The following SNX14 variants were observed in gnomAD, a reference collection of about 807,000 sequenced individuals.
The protein encoded by SNX14 is sorting nexin-14.
In SNX14, 93 loss-of-function variants were observed where a neutral mutation model predicts 133.8. The observed-to-expected ratio is 0.70, with a 90% CI of 0.59 to 0.83. The LOEUF (loss-of-function observed/expected upper bound fraction) is 0.83, where lower values mean the gene tolerates loss of function less well. SNX14 is among the 40% of genes least tolerant of loss of function. SNX14 has a pLI of 0.00. For synonymous variants in SNX14, 368 were observed against 365.6 expected, an observed-to-expected ratio of 1.01 and a Z score of -0.07; for missense variants, 945 against 1,094.9, an observed-to-expected ratio of 0.86 and a Z score of 1.93.
intron 15 of SNX14, among the ~76,000 whole-genome samples, chr6:85,539,703 G>A (rs1275905812): frequency 6.6e-6 from 1 of 151,784 alleles, no homozygotes; most frequent in Non-Finnish European, 1.5e-5. Flanking sequence ...GTCCTGACAA[G>A]ACTGATAGTT....
chr6:85,506,606 G>A (rs923275586), intron 28 of SNX14, among the ~76,000 whole-genome samples: 8 of 152,116 alleles, frequency 5.3e-5, no homozygotes, highest in African/African-American at 1.2e-4. Context: ...GTGAGCCACC[G>A]TGCCCAGTCA....
At position 85,542,523 on chromosome 6, in the gene SNX14, T is replaced by C. The variant is rs1404107023; in HGVS notation, c.1390-480A>G. On this transcript the variant is annotated intron_variant, in intron 14 of 28. Coordinates refer to ENST00000314673, the MANE Select transcript of SNX14 (RefSeq NM_153816.6). Reference sequence around the variant, plus strand: ...CATTCTCCTGCCTCAGCCTCCCAAGTAGCTGGGACTACAGGTGCCCGCCAC... The same window carrying C: ...CATTCTCCTGCCTCAGCCTCCCAAGCAGCTGGGACTACAGGTGCCCGCCAC... 2.0e-5 allele frequency among the ~76,000 whole-genome samples: 3 copies of C among 152,138 alleles called. No individual in the cohort carries two copies. In the East Asian group the frequency reaches 5.8e-4, roughly 29 times the overall value.
rs34936540 is a variant in SNX14, at chr6:85,583,802, C to T, written c.141-9424G>A. On this transcript the variant is annotated intron_variant, in intron 1 of 28. Transcript: ENST00000314673. ...GCTCATGGATAGGAAGAATCAATAT[C>T]GTGAAAATGGCCATACTGCCCAAAG... is the stretch of plus-strand genomic sequence containing the variant. Among the ~76,000 whole-genome samples, 3 of 152,124 alleles carry T rather than the reference C, an allele frequency of 2.0e-5. No individual in the cohort carries two copies. In the South Asian group the frequency reaches 6.2e-4, roughly 32 times the overall value.
At chr6:85,543,886 G>A (rs1302647009) in intron 12 of SNX14, 126 bp from the exon 13 acceptor site, 6 of 446,138 alleles carry the variant, frequency 1.3e-5, no homozygotes, top group East Asian at 1.3e-4. Context: ...ATTCATCTAA[G>A]TTTTTAAAAA....
chr6:85,506,530 A>G (rs987306798), intron 28 of SNX14, among the ~76,000 whole-genome samples: 1 of 152,126 alleles, frequency 6.6e-6, no homozygotes, highest in Non-Finnish European at 1.5e-5. Context: ...GTTAGCTAGG[A>G]TAGTCTTGAT....
chr6:85,590,471 C>T (rs1283413368), intron 1 of SNX14, among the ~76,000 whole-genome samples: 1 of 152,190 alleles, frequency 6.6e-6, no homozygotes, highest in Non-Finnish European at 1.5e-5. Context: ...AAAAAACACC[C>T]ACTCAGGAAG....
At chr6:85,548,407 A>G in intron 8 of SNX14, 31 bp from the exon 9 acceptor site, 1 of 1,465,322 alleles carries the variant, frequency 6.8e-7, no homozygotes, top group Non-Finnish European at 9.3e-7. Context: ...AATTGTTTAT[A>G]TTTAGTGATT....
intron 1 of SNX14, among the ~76,000 whole-genome samples, chr6:85,587,401 CTGAAA>C (rs1801259430): frequency 6.6e-6 from 1 of 152,074 alleles, no homozygotes; most frequent in Admixed American, 6.5e-5. Context: ...CATAGCTATA[CTGAAA>C]TAAAAAATAA....
At chr6:85,523,191 G>C (rs1562222364) in intron 21 of SNX14, among the ~76,000 whole-genome samples, 1 of 152,184 alleles carries the variant, frequency 6.6e-6, no homozygotes, top group Non-Finnish European at 1.5e-5. Flanking sequence ...GTGATTTTCA[G>C]AGGGTTCCAT....
chr6:85,536,682 A>T, intron 17 of SNX14, 110 bp downstream of exon 17: 1 of 1,026,382 alleles, frequency 9.7e-7, no homozygotes. Context: ...GTAAAGTATT[A>T]AACAGAATAC....
At chr6:85,571,135 G>C (rs933506117) in intron 4 of SNX14, among the ~76,000 whole-genome samples, 1 of 151,874 alleles carries the variant, frequency 6.6e-6, no homozygotes, top group East Asian at 1.9e-4. Context: ...GGTGGATCAC[G>C]AGGTCAGGAG....
At chr6:85,534,906 C>A (rs746581876) in intron 17 of SNX14, among the ~76,000 whole-genome samples, 1 of 143,840 alleles carries the variant, frequency 7.0e-6, no homozygotes, top group Non-Finnish European at 1.5e-5. Context: ...TATGCACGTA[C>A]GTGGCATTTA....
intron 21 of SNX14, among the ~76,000 whole-genome samples, chr6:85,523,559 G>A (rs1777563563): frequency 6.6e-6 from 1 of 152,232 alleles, no homozygotes. Flanking sequence ...CGGATCACTT[G>A]AACTTAGTTC....
intron 1 of SNX14, among the ~76,000 whole-genome samples, chr6:85,580,147 T>C (rs1798593285): frequency 6.6e-6 from 1 of 152,074 alleles, no homozygotes; most frequent in Admixed American, 6.5e-5. Context: ...TTAGATACCA[T>C]CTCAGGGACA....
At chr6:85,520,657 G>A (rs1401459335) in intron 21 of SNX14, among the ~76,000 whole-genome samples, 4 of 152,140 alleles carry the variant, frequency 2.6e-5, no homozygotes, top group Admixed American at 2.0e-4. Context: ...CACGCCCAAC[G>A]ATTTTTTAAC....
At chr6:85,568,870 C>T (rs998231323) in intron 4 of SNX14, among the ~76,000 whole-genome samples, 6 of 152,064 alleles carry the variant, frequency 3.9e-5, no homozygotes, top group African/African-American at 1.4e-4. Context: ...CAGACTAGAA[C>T]GAGTTATCAT....
In SNX14 at chr6:85,586,764, T is replaced by C. The variant is rs201201916; in HGVS notation, c.140+6815A>G. On this transcript the variant is annotated intron_variant, in intron 1 of 28. Coordinates refer to ENST00000314673, the MANE Select transcript of SNX14 (RefSeq NM_153816.6). ...TTCTTTTTTTGGTACAGACAGGGTC[T>C]TTCTGGCCAGGTGCATAATTTCAGC... Among the ~76,000 whole-genome samples, 3 of 151,744 alleles carry C rather than the reference T, an allele frequency of 2.0e-5. No homozygotes were observed. In the East Asian group the frequency reaches 5.8e-4, roughly 30 times the overall value.
intron 16 of SNX14, among the ~76,000 whole-genome samples, chr6:85,538,330 C>G (rs35183533): frequency 4.0e-5 from 6 of 151,880 alleles, no homozygotes; most frequent in African/African-American, 1.5e-4. Context: ...TTTCCCAAGA[C>G]ATAAAAATGT....
chr6:85,510,145 G>C (rs1297676649), intron 26 of SNX14, among the ~76,000 whole-genome samples: 2 of 152,022 alleles, frequency 1.3e-5, no homozygotes, highest in African/African-American at 4.8e-5. Context: ...AACTGCTTTG[G>C]GTAAATATCA....
Sources: gnomAD v4.1 joint callset for allele counts (sites outside exome capture counted in the v4.1 genomes callset) on GRCh38, gnomAD v4.1.1 for gene constraint, MANE v1.5 for transcripts, NCBI Gene and HGNC (gene_info 2026-07-23, HGNC 2026-07-21) for gene names.